Variants in EHMT1 observed in about 807,000 individuals in gnomAD.
EHMT1 encodes the protein euchromatic histone lysine methyltransferase 1, also known as histone-lysine N-methyltransferase EHMT1.
EHMT1 carries 15 observed loss-of-function variants against 147.2 expected under a neutral mutation model. The ratio of observed to expected loss-of-function variants is 0.10; its 90% CI spans 0.07 to 0.16. The LOEUF (loss-of-function observed/expected upper bound fraction) is 0.16, where lower values mean the gene tolerates loss of function less well. EHMT1 is among the 10% of genes least tolerant of loss of function. The pLI is 1.00. For synonymous variants in EHMT1, 795 were observed against 709.6 expected, an observed-to-expected ratio of 1.12 and a Z score of -1.91; for missense variants, 1,587 against 1,772.4, an observed-to-expected ratio of 0.90 and a Z score of 1.88.
chr9:137,756,178 C>T (rs3123517), intron 8 of EHMT1, among the ~76,000 whole-genome samples: 6,431 of 152,276 alleles, frequency 0.042, 158 homozygotes, highest in African/African-American at 0.071. Context: ...GCAGGCTCCG[C>T]GCTTGCCTGT....
intron 2 of EHMT1, chr9:137,715,602 C>G: frequency 2.0e-6 from 2 of 985,418 alleles, no homozygotes; most frequent in Non-Finnish European, 2.4e-6. Context: ...GCGATGCCAT[C>G]GCAGGCTTCC....
At chr9:137,772,037 CCTGCAGAGCCTGTGGGCA>C (rs890012477) in intron 10 of EHMT1, among the ~76,000 whole-genome samples, 10 of 151,648 alleles carry the variant, frequency 6.6e-5, no homozygotes, top group African/African-American at 2.4e-4. Flanking sequence ...GCCTGTGGGC[CCTGCAGAGCCTGTGGGCA>C]CTGGGTATTA....
chr9:137,706,948 C>T (rs1262866283), intron 1 of EHMT1, among the ~76,000 whole-genome samples: 1 of 151,922 alleles, frequency 6.6e-6, no homozygotes, highest in Non-Finnish European at 1.5e-5. Flanking sequence ...CCTCAGCCTC[C>T]CGAGTAGCTG....
At chr9:137,677,972 G>A (rs1941540525) in intron 1 of EHMT1, among the ~76,000 whole-genome samples, 1 of 151,784 alleles carries the variant, frequency 6.6e-6, no homozygotes, top group Non-Finnish European at 1.5e-5. Context: ...AGGAGGCTGA[G>A]GCAGGAGAAT....
chr9:137,624,061 G>A (rs906435188), intron 1 of EHMT1, among the ~76,000 whole-genome samples: 11 of 149,266 alleles, frequency 7.4e-5, no homozygotes, highest in African/African-American at 2.7e-4. Flanking sequence ...GTACAGTGGC[G>A]CCATCTCGGC....
intron 1 of EHMT1, among the ~76,000 whole-genome samples, chr9:137,645,527 A>G (rs534202833): frequency 9.2e-5 from 14 of 152,332 alleles, no homozygotes; most frequent in African/African-American, 3.1e-4. Flanking sequence ...AAGACAAACA[A>G]TTACACACTT....
intron 1 of EHMT1, among the ~76,000 whole-genome samples, chr9:137,633,223 C>T (rs1843740096): frequency 6.6e-6 from 1 of 152,092 alleles, no homozygotes. Context: ...TCTTTCTGAG[C>T]AGGCTGGATA....
At chr9:137,718,654 C>T (rs1265121575) in intron 3 of EHMT1, among the ~76,000 whole-genome samples, 7 of 152,116 alleles carry the variant, frequency 4.6e-5, no homozygotes, top group African/African-American at 4.8e-5. Context: ...CTCAGCCCTT[C>T]CCCTTCTTGC....
At chr9:137,726,579 C>T (rs532306083) in intron 3 of EHMT1, among the ~76,000 whole-genome samples, 4 of 152,236 alleles carry the variant, frequency 2.6e-5, no homozygotes, top group East Asian at 3.9e-4. Context: ...CTGCTATCAA[C>T]GTGGGTGTAC....
Position 137,711,757 on chromosome 9 carries a change from C to T in EHMT1, c.85+727C>T, listed in dbSNP as rs532163224. Among the ~76,000 whole-genome samples the T allele has an allele frequency of 9.9e-5, 15 of 152,154 alleles. No homozygotes were observed. In the East Asian group the frequency reaches 2.1e-3, roughly 22 times the overall value. ...GCCCCCAGGAAATGAGGGCAGGTGG[C>T]GCCAGACGAGCTGTGCTGTGCTCCA... On this transcript the variant is annotated intron_variant, in intron 2 of 26. Transcript: ENST00000460843.
At chr9:137,760,489 G>A (rs535666238) in intron 9 of EHMT1, among the ~76,000 whole-genome samples, 34 of 152,180 alleles carry the variant, frequency 2.2e-4, no homozygotes, top group Non-Finnish European at 4.4e-4. Context: ...TCGTTTTCCT[G>A]GTCTTTAGGG....
rs889933909 is a variant in EHMT1, at chr9:137,698,271, A to G, written c.22-12696A>G. ...TGGAAACTCCACACTTTGACTAGGA[A>G]AAGAAATGATCACTTCTGAGGTAAC... On this transcript the variant is annotated intron_variant, in intron 1 of 26. Coordinates refer to ENST00000460843, the MANE Select transcript of EHMT1 (RefSeq NM_024757.5). Among the ~76,000 whole-genome samples the G allele has an allele frequency of 4.9e-4, 74 of 152,238 alleles. 1 individual carries two copies. The highest frequency in any genetic ancestry group is 1.7e-3 in the African/African-American group (72 of 41,458).
intron 16 of EHMT1, chr9:137,795,126 C>T (rs1476442596): frequency 6.6e-6 from 1 of 152,186 alleles, no homozygotes; most frequent in African/African-American, 2.4e-5. Flanking sequence ...CAGTTTACCA[C>T]AGACTGATTG....
intron 25 of EHMT1, among the ~76,000 whole-genome samples, chr9:137,822,318 C>G (rs530380164): frequency 2.0e-5 from 3 of 152,178 alleles, no homozygotes; most frequent in Non-Finnish European, 2.9e-5. Context: ...TCTGCCATCA[C>G]GAGGAAACCT....
chr9:137,742,131 C>T (rs1031897362), intron 4 of EHMT1, among the ~76,000 whole-genome samples: 4 of 152,170 alleles, frequency 2.6e-5, no homozygotes, highest in Admixed American at 2.0e-4. Flanking sequence ...TGATCGTTTC[C>T]CAGCGTCCGT....
chr9:137,771,836 G>A (rs991227418), intron 10 of EHMT1, among the ~76,000 whole-genome samples: 1 of 152,252 alleles, frequency 6.6e-6, no homozygotes, highest in African/African-American at 2.4e-5. Context: ...GAACAGCTGG[G>A]ATGAGTCACA....
intron 10 of EHMT1, among the ~76,000 whole-genome samples, chr9:137,773,318 T>C (rs1339309427): frequency 1.3e-5 from 2 of 151,856 alleles, no homozygotes; most frequent in African/African-American, 4.8e-5. Context: ...TTGGTGGTGG[T>C]GGTGTGGAGG....
intron 24 of EHMT1, chr9:137,817,750 G>A: frequency 1.5e-6 from 1 of 646,010 alleles, no homozygotes; most frequent in Non-Finnish European, 2.7e-6. Context: ...AGAAGGCGTG[G>A]TCCAGTTAGG....
At chr9:137,640,492 G>A (rs1039033871) in intron 1 of EHMT1, among the ~76,000 whole-genome samples, 6 of 152,038 alleles carry the variant, frequency 3.9e-5, no homozygotes, top group South Asian at 2.1e-4. Context: ...GCTCAGGCTG[G>A]TTTTGAACTC....
Sources: gnomAD v4.1 joint callset for allele counts (sites outside exome capture counted in the v4.1 genomes callset) on GRCh38, gnomAD v4.1.1 for gene constraint, MANE v1.5 for transcripts, NCBI Gene and HGNC (gene_info 2026-07-23, HGNC 2026-07-21) for gene names.